The following NBAS variants were observed in gnomAD, a reference collection of about 807,000 sequenced individuals.
NBAS encodes the protein NBAS subunit of NRZ tethering complex, also known as NAG/BC035112 fusion.
NBAS carries 219 observed loss-of-function variants against 302.5 expected under a neutral mutation model. That is an observed-to-expected ratio of 0.72 (90% CI 0.65 to 0.81). The LOEUF (loss-of-function observed/expected upper bound fraction) is 0.81. Ranked by LOEUF, NBAS falls within the 30% of genes least tolerant of loss-of-function variation. NBAS has a pLI of 0.00. For synonymous variants in NBAS, 1,118 were observed against 1,021.6 expected (o/e 1.09, Z -1.80); for missense variants, 2,932 against 2,841.6 (o/e 1.03, Z -0.72).
chr2:15,425,492 C>T (rs1339431839), intron 22 of NBAS, among the ~76,000 whole-genome samples: 5 of 152,172 alleles, frequency 3.3e-5, no homozygotes, highest in African/African-American at 1.2e-4. Context: ...AAAGGAAGTG[C>T]TTAATTTTAT....
chr2:15,396,383 G>T, intron 27 of NBAS, 30 bp downstream of exon 27: 2 of 1,539,564 alleles, frequency 1.3e-6, no homozygotes, highest in South Asian at 1.2e-5. Context: ...AATAAGCATG[G>T]AGAAAAAAAA....
At chr2:15,007,442 C>T in the NBAS span, among the ~76,000 whole-genome samples, 2 of 152,186 alleles carry the variant, frequency 1.3e-5, no homozygotes, top group African/African-American at 2.4e-5. Flanking sequence ...ATCCTTTGCT[C>T]TCTTGATTTT....
intron 38 of NBAS, among the ~76,000 whole-genome samples, 164 bp downstream of exon 38, chr2:15,327,586 A>G (rs1313463242): frequency 1.3e-5 from 2 of 152,202 alleles, no homozygotes; most frequent in African/African-American, 2.4e-5. Context: ...AGTGTTTTAA[A>G]CAAAATTAAT....
intron 38 of NBAS, among the ~76,000 whole-genome samples, chr2:15,312,334 G>A (rs966536758): frequency 2.0e-5 from 3 of 152,048 alleles, no homozygotes; most frequent in Admixed American, 6.5e-5. Context: ...TAGTAGAATG[G>A]GACAGTCTTG....
At chr2:15,488,423 CAA>C (rs1157654691) in intron 12 of NBAS, among the ~76,000 whole-genome samples, 1 of 152,130 alleles carries the variant, frequency 6.6e-6, no homozygotes, top group Non-Finnish European at 1.5e-5. Flanking sequence ...AGGACACTAA[CAA>C]AGAGTTCCAT....
chr2:15,498,462 G>A (rs1681152715), intron 11 of NBAS, among the ~76,000 whole-genome samples: 1 of 152,158 alleles, frequency 6.6e-6, no homozygotes, highest in Non-Finnish European at 1.5e-5. Context: ...TGGAGAAAAA[G>A]GAACGCTTAC....
chr2:15,108,435 T>G, the NBAS span, among the ~76,000 whole-genome samples: 1 of 152,126 alleles, frequency 6.6e-6, no homozygotes, highest in Admixed American at 6.6e-5. Context: ...ACTTTTGCTC[T>G]TTCCACCATA....
chr2:15,346,343 G>A (rs1201568484), intron 35 of NBAS, among the ~76,000 whole-genome samples: 3 of 152,008 alleles, frequency 2.0e-5, no homozygotes, highest in Non-Finnish European at 4.4e-5. Context: ...AGTGGGCAAA[G>A]GGTATGAACA....
the NBAS span, among the ~76,000 whole-genome samples, chr2:14,917,688 C>A: frequency 6.6e-6 from 1 of 152,198 alleles, no homozygotes; most frequent in Non-Finnish European, 1.5e-5. Flanking sequence ...TCAGCTCCCC[C>A]ATTCACATGC....
intron 25 of NBAS, 124 bp from the exon 26 acceptor site, chr2:15,402,425 G>T: frequency 2.1e-6 from 2 of 946,990 alleles, no homozygotes; most frequent in Non-Finnish European, 3.2e-6. Context: ...AACAAGTCTT[G>T]ATTTTTCTTT....
intron 16 of NBAS, 43 bp from the exon 17 acceptor site, chr2:15,468,576 C>T: frequency 1.3e-6 from 2 of 1,594,742 alleles, no homozygotes; most frequent in Non-Finnish European, 8.6e-7. Context: ...GAATCCATGA[C>T]ATCTTACAAC....
the NBAS span, among the ~76,000 whole-genome samples, chr2:14,812,325 T>C: frequency 5.8e-3 from 881 of 152,312 alleles, 10 homozygotes; most frequent in African/African-American, 0.019. Context: ...GCTAATCCCA[T>C]GCCAACCCCA....
chr2:15,399,848 G>A lies in NBAS; in HGVS notation c.3071+2320C>T, dbSNP rs115997927. ...AATAGGGATTATTCAGAATGCCATTGAACTTCTCAACAATACTAGAAAGAA... is the reference window on the plus strand; with the variant it reads ...AATAGGGATTATTCAGAATGCCATTAAACTTCTCAACAATACTAGAAAGAA... On this transcript the variant is annotated intron_variant, in intron 26 of 51. Transcript: ENST00000281513. Among the ~76,000 whole-genome samples, 1,239 of 152,158 alleles carry A rather than the reference G, an allele frequency of 8.1e-3. 15 individuals carry two copies. The highest frequency in any genetic ancestry group is 0.028 in the African/African-American group (1,170 of 41,500).
chr2:15,470,593 T>A lies in NBAS; in HGVS notation c.1726-2060A>T, dbSNP rs1002490838. On this transcript the variant is annotated intron_variant, in intron 16 of 51. Coordinates refer to ENST00000281513, the MANE Select transcript of NBAS (RefSeq NM_015909.4). ...TTTAATTTGTTCATACCATCTGTCC[T>A]GTTAAGAATGTCTTCCTCCCTTCTC... Among the ~76,000 whole-genome samples, 20 of 152,328 alleles carry A rather than the reference T, an allele frequency of 1.3e-4. No individual in the cohort carries two copies. The South Asian group carries it at 2.1e-3, about 16-fold the overall frequency.
chr2:15,489,610 T>C (rs1435940588), intron 11 of NBAS, among the ~76,000 whole-genome samples: 1 of 152,218 alleles, frequency 6.6e-6, no homozygotes, highest in Non-Finnish European at 1.5e-5. Flanking sequence ...TGCTGCCAAA[T>C]TATCCAGTTT....
the NBAS span, among the ~76,000 whole-genome samples, chr2:14,830,998 C>A: frequency 6.6e-6 from 1 of 152,152 alleles, no homozygotes; most frequent in Non-Finnish European, 1.5e-5. Context: ...GAGGTATAAG[C>A]CAGCCCCAGG....
At chr2:14,843,197 CCA>C in the NBAS span, among the ~76,000 whole-genome samples, 1 of 152,156 alleles carries the variant, frequency 6.6e-6, no homozygotes, top group Non-Finnish European at 1.5e-5. Context: ...TATGACAAAT[CCA>C]CAGCTGACAT....
At position 15,356,188 on chromosome 2, in the gene NBAS, A is replaced by T. The variant is rs559855758; in HGVS notation, c.3931+115T>A. ...TACCAGTGCTCATAAAATGTATCTC[A>T]AGCCTCAATGTGGCTGGCTTACCAA... On this transcript the variant is annotated intron_variant, in intron 33 of 51. Transcript: ENST00000281513. 2.7e-4 allele frequency: 218 copies of T among 819,076 alleles called. 1 individual carries two copies. Among genetic ancestry groups the T allele is most frequent in the Middle Eastern group, 2.2e-3 (10 of 4,504 alleles). The allele number at this position is 819,076 out of a possible 1,614,324, so 50.7% of individuals were successfully genotyped here.
At chr2:14,786,885 T>C in the NBAS span, among the ~76,000 whole-genome samples, 8 of 152,188 alleles carry the variant, frequency 5.3e-5, no homozygotes, top group Non-Finnish European at 1.2e-4. Flanking sequence ...CTTGTTAACT[T>C]TCTGTCTCAT....
Sources: allele counts gnomAD v4.1 joint callset (sites outside exome capture counted in the v4.1 genomes callset), GRCh38; gene constraint gnomAD v4.1.1; transcripts MANE v1.5; gene names NCBI Gene and HGNC (gene_info 2026-07-23, HGNC 2026-07-21).